The following MIR2052HG variants were observed in gnomAD, a reference collection of about 807,000 sequenced individuals.
MIR2052HG encodes the protein MIR2052 host gene.
intron 2 of MIR2052HG, among the ~76,000 whole-genome samples, chr8:74,641,155 A>T (rs1359396476): frequency 6.6e-6 from 1 of 152,220 alleles, no homozygotes; most frequent in African/African-American, 2.4e-5. Context: ...TTCATTAATT[A>T]TTGAAAATGA....
chr8:74,743,693 T>C (rs1208734736), intron 4 of MIR2052HG, among the ~76,000 whole-genome samples: 31 of 152,194 alleles, frequency 2.0e-4, no homozygotes, highest in Non-Finnish European at 1.3e-4. Context: ...ATGTAGGCTC[T>C]ACATTTATAC....
intron 1 of MIR2052HG, among the ~76,000 whole-genome samples, chr8:74,601,992 G>A (rs1424265649): frequency 6.6e-6 from 1 of 152,138 alleles, no homozygotes; most frequent in East Asian, 1.9e-4. Context: ...ACTTGAAATT[G>A]TCAAAAGTGT....
chr8:74,619,854 A>C (rs1472429527), intron 2 of MIR2052HG, among the ~76,000 whole-genome samples: 1 of 152,174 alleles, frequency 6.6e-6, no homozygotes, highest in Non-Finnish European at 1.5e-5. Flanking sequence ...CAACATAATC[A>C]TGCCTTCCAA....
intron 4 of MIR2052HG, among the ~76,000 whole-genome samples, chr8:74,711,351 C>T (rs1428845881): frequency 2.0e-5 from 3 of 152,168 alleles, no homozygotes; most frequent in Non-Finnish European, 4.4e-5. Flanking sequence ...CTGTTCTATA[C>T]CCATTCCCTA....
intron 5 of MIR2052HG, among the ~76,000 whole-genome samples, chr8:74,755,956 G>T (rs73341222): frequency 0.03 from 4,627 of 152,154 alleles, 244 homozygotes; most frequent in African/African-American, 0.11. Context: ...TGGTGGTACA[G>T]GCTCTATAGG....
At chr8:74,731,494 A>G (rs982238218) in intron 4 of MIR2052HG, among the ~76,000 whole-genome samples, 1 of 152,136 alleles carries the variant, frequency 6.6e-6, no homozygotes, top group African/African-American at 2.4e-5. Context: ...ATTCAACAAG[A>G]AGCCCTTTTT....
intron 1 of MIR2052HG, among the ~76,000 whole-genome samples, chr8:74,606,507 G>A (rs1808114025): frequency 6.6e-6 from 1 of 152,180 alleles, no homozygotes; most frequent in Non-Finnish European, 1.5e-5. Flanking sequence ...CAGGGAAGAA[G>A]TAAAAGAATA....
intron 2 of MIR2052HG, among the ~76,000 whole-genome samples, chr8:74,622,887 G>A (rs1052780814): frequency 8.6e-5 from 13 of 151,666 alleles, no homozygotes; most frequent in Admixed American, 2.6e-4. Flanking sequence ...GATGAACCTG[G>A]AGAGCATTAC....
chr8:74,658,397 T>G (rs1808828231), intron 2 of MIR2052HG, among the ~76,000 whole-genome samples: 1 of 152,120 alleles, frequency 6.6e-6, no homozygotes, highest in South Asian at 2.1e-4. Flanking sequence ...CTCTTTTTTT[T>G]TTTTTCTTTT....
intron 2 of MIR2052HG, among the ~76,000 whole-genome samples, chr8:74,699,255 T>C (rs945883001): frequency 6.6e-6 from 1 of 152,122 alleles, no homozygotes; most frequent in African/African-American, 2.4e-5. Flanking sequence ...ATCTCAATAC[T>C]GGGTATCTAC....
At chr8:74,658,328 C>T (rs1042647657) in intron 2 of MIR2052HG, among the ~76,000 whole-genome samples, 1 of 151,102 alleles carries the variant, frequency 6.6e-6, no homozygotes, top group Non-Finnish European at 1.5e-5. Context: ...ATGTATGCTC[C>T]ACCAAAGCAG....
At chr8:74,720,095 C>T (rs1053382129) in intron 4 of MIR2052HG, among the ~76,000 whole-genome samples, 7 of 152,076 alleles carry the variant, frequency 4.6e-5, no homozygotes, top group South Asian at 2.1e-4. Context: ...CATGATCCCC[C>T]GCCTCGGCCT....
At chr8:74,736,381 C>A (rs562135433) in intron 4 of MIR2052HG, among the ~76,000 whole-genome samples, 1 of 152,042 alleles carries the variant, frequency 6.6e-6, no homozygotes, top group Non-Finnish European at 1.5e-5. Flanking sequence ...TTTGAAAGAG[C>A]CATACAAAAT....
chr8:74,653,366 A>T (rs985456430), intron 2 of MIR2052HG, among the ~76,000 whole-genome samples: 12 of 152,334 alleles, frequency 7.9e-5, no homozygotes, highest in African/African-American at 2.9e-4. Flanking sequence ...AGATGTGCTC[A>T]TTGAAGAGAT....
rs115568684 is a variant in MIR2052HG at position 74,668,072 on chromosome 8, A to G, written n.217-34307A>G. 3.4e-3 allele frequency among the ~76,000 whole-genome samples: 515 copies of G among 151,618 alleles called. 3 individuals carry two copies. The highest frequency in any genetic ancestry group is 0.012 in the African/African-American group (487 of 41,390). On this transcript the variant is annotated intron_variant and non_coding_transcript_variant, in intron 2 of 6. Coordinates refer to ENST00000523442, the Ensembl canonical transcript of MIR2052HG. ...ACCCTCCCTCTGCAGGAGTCGCTGC[A>G]TGACCTGAGGTGGGGGCTATAGCTT...
chr8:74,699,549 C>T (rs1362856030), intron 2 of MIR2052HG, among the ~76,000 whole-genome samples: 1 of 151,870 alleles, frequency 6.6e-6, no homozygotes. Flanking sequence ...ATAAAAACAA[C>T]ATCGTATGTC....
intron 4 of MIR2052HG, among the ~76,000 whole-genome samples, chr8:74,743,530 A>G (rs570816368): frequency 6.8e-4 from 104 of 152,360 alleles, no homozygotes; most frequent in African/African-American, 2.4e-3. Flanking sequence ...ATAAAACACA[A>G]AATCTCTAAG....
At chr8:74,717,389 C>G (rs1410025774) in intron 4 of MIR2052HG, among the ~76,000 whole-genome samples, 1 of 152,168 alleles carries the variant, frequency 6.6e-6, no homozygotes, top group Non-Finnish European at 1.5e-5. Flanking sequence ...ACCACATTTT[C>G]TTTATCCAGT....
chr8:74,681,447 A>G (rs1809123811), intron 2 of MIR2052HG, among the ~76,000 whole-genome samples: 1 of 152,200 alleles, frequency 6.6e-6, no homozygotes, highest in Non-Finnish European at 1.5e-5. Context: ...GCAATAAATA[A>G]TCAAGAGAGC....
Sources: allele counts gnomAD v4.1 joint callset (sites outside exome capture counted in the v4.1 genomes callset), GRCh38; gene constraint gnomAD v4.1.1; transcripts MANE v1.5; gene names NCBI Gene and HGNC (gene_info 2026-07-23, HGNC 2026-07-21).